STEAP1B: variants seen among roughly 807,000 people sequenced by gnomAD.
STEAP1B encodes STEAP family member 1B, also known as STEAP family protein MGC87042.
In STEAP1B, 13 loss-of-function variants were observed where a neutral mutation model predicts 27.9. The ratio of observed to expected loss-of-function variants is 0.47; its 90% CI spans 0.30 to 0.74. The LOEUF is 0.74. Ranked by LOEUF, STEAP1B falls within the 30% of genes least tolerant of loss-of-function variation. The pLI, the probability that STEAP1B is intolerant of heterozygous loss-of-function variation, is 0.06. For missense variants in STEAP1B, 250 were observed against 298.7 expected, an observed-to-expected ratio of 0.84 and a Z score of 1.20; for synonymous variants, 86 against 107.1, an observed-to-expected ratio of 0.80 and a Z score of 1.22.
intron 4 of STEAP1B, among the ~76,000 whole-genome samples, chr7:22,427,020 C>T (rs1051348058): frequency 2.0e-5 from 3 of 152,144 alleles, no homozygotes; most frequent in African/African-American, 4.8e-5. Context: ...AGTACAAACA[C>T]CCCTACACCA....
At chr7:22,425,211 A>G (rs1198054396) in intron 4 of STEAP1B, among the ~76,000 whole-genome samples, 1 of 152,196 alleles carries the variant, frequency 6.6e-6, no homozygotes, top group Non-Finnish European at 1.5e-5. Flanking sequence ...TTGGTATGAT[A>G]CATTAAAATT....
chr7:22,428,192 A>C (rs1785132981), intron 4 of STEAP1B, among the ~76,000 whole-genome samples: 1 of 152,178 alleles, frequency 6.6e-6, no homozygotes, highest in Non-Finnish European at 1.5e-5. Flanking sequence ...GTACTCCCGG[A>C]ATCAGAAGGA....
intron 4 of STEAP1B, among the ~76,000 whole-genome samples, chr7:22,429,822 G>A (rs1327117273): frequency 2.0e-5 from 3 of 152,260 alleles, no homozygotes; most frequent in South Asian, 4.1e-4. Flanking sequence ...AAATCTAAAT[G>A]GTCATATTGT....
chr7:22,431,464 G>A (rs1785186142), intron 4 of STEAP1B, among the ~76,000 whole-genome samples: 1 of 152,198 alleles, frequency 6.6e-6, no homozygotes, highest in Non-Finnish European at 1.5e-5. Flanking sequence ...TCTAAACCAA[G>A]CGCTGTGGCC....
chr7:22,419,697 T>C lies in STEAP1B; in HGVS notation c.*107A>G. On this transcript the variant is annotated 3_prime_UTR_variant, in exon 5 of 5. Transcript: ENST00000678116. ...CAGCCGTCACCTGCAGCATGGCTGT[T>C]CATTGTGGCAGAGGGAAAGGGCACT... The C allele has an allele frequency of 7.7e-7, 1 of 1,303,200 alleles. No homozygotes were observed. The highest frequency in any genetic ancestry group is 1.6e-5 in the South Asian group (1 of 63,184). The allele number at this position is 1,303,200 out of a possible 1,614,324, so 80.7% of individuals were successfully genotyped here.
At chr7:22,465,931 G>A (rs1261857083) in intron 4 of STEAP1B, among the ~76,000 whole-genome samples, 4 of 152,042 alleles carry the variant, frequency 2.6e-5, no homozygotes, top group Admixed American at 6.5e-5. Flanking sequence ...TCAGAGCCTC[G>A]ATCTCCCGCA....
intron 4 of STEAP1B, 54 bp from the exon 5 acceptor site, chr7:22,419,890 A>G: frequency 1.3e-6 from 2 of 1,509,652 alleles, no homozygotes; most frequent in Non-Finnish European, 1.8e-6. Flanking sequence ...GACTATCACT[A>G]TATTAATTTG....
intron 4 of STEAP1B, among the ~76,000 whole-genome samples, chr7:22,474,335 C>T (rs367590124): frequency 6.6e-6 from 1 of 152,168 alleles, no homozygotes; most frequent in Non-Finnish European, 1.5e-5. Flanking sequence ...AATACTGATG[C>T]CTGGTACCTA....
rs184525419 is a variant in STEAP1B at position 22,497,748 on chromosome 7, A to G, written c.-32+2366T>C. ...TGAGACTGGGTAATTATTATAAAGA[A>G]AGGAGATTTAATTGGCTCATGGTTC... On this transcript the variant is annotated intron_variant, in intron 1 of 4. Transcript: ENST00000678116. Among the ~76,000 whole-genome samples the G allele has an allele frequency of 3.4e-3, 518 of 152,340 alleles. 3 individuals are homozygous for G. The highest frequency in any genetic ancestry group is 0.012 in the African/African-American group (484 of 41,566).
chr7:22,436,596 C>T (rs1785258213), intron 4 of STEAP1B, among the ~76,000 whole-genome samples: 1 of 152,038 alleles, frequency 6.6e-6, no homozygotes. Flanking sequence ...CTCCTCGTGT[C>T]CATGTGTTCT....
chr7:22,423,338 T>A (rs1189523602), intron 4 of STEAP1B, among the ~76,000 whole-genome samples: 1 of 152,212 alleles, frequency 6.6e-6, no homozygotes, highest in Non-Finnish European at 1.5e-5. Context: ...GTAGTCTTAT[T>A]CATAATATCA....
intron 4 of STEAP1B, among the ~76,000 whole-genome samples, chr7:22,480,581 C>A (rs1253796788): frequency 1.3e-5 from 2 of 152,212 alleles, no homozygotes; most frequent in African/African-American, 4.8e-5. Flanking sequence ...GTAATGAAAG[C>A]ATTAAGCTAT....
At chr7:22,460,043 C>G (rs1006688740) in intron 4 of STEAP1B, among the ~76,000 whole-genome samples, 1 of 151,970 alleles carries the variant, frequency 6.6e-6, no homozygotes, top group Non-Finnish European at 1.5e-5. Context: ...GCTGTGGTGT[C>G]GCACACCTAT....
Position 22,458,538 on chromosome 7 carries a change from A to G in STEAP1B, c.762+34027T>C, listed in dbSNP as rs116521760. Among the ~76,000 whole-genome samples, 565 of 152,350 alleles carry G rather than the reference A, an allele frequency of 3.7e-3. 7 individuals are homozygous for G. Among genetic ancestry groups the G allele is most frequent in the African/African-American group, 0.013 (539 of 41,572 alleles). On this transcript the variant is annotated intron_variant, in intron 4 of 4. Transcript: ENST00000678116. ...AGTGGTATGAATATTTATACCTCAG[A>G]GGCAAACTCTACACATCAACCTTTT...
intron 4 of STEAP1B, among the ~76,000 whole-genome samples, chr7:22,473,253 A>C (rs1032843339): frequency 2.0e-5 from 3 of 152,182 alleles, no homozygotes; most frequent in Admixed American, 2.0e-4. Flanking sequence ...GGAAAGAGGA[A>C]GGACACCCTT....
intron 1 of STEAP1B, among the ~76,000 whole-genome samples, chr7:22,498,174 A>T (rs551490608): frequency 6.6e-6 from 1 of 152,314 alleles, no homozygotes; most frequent in African/African-American, 2.4e-5. Flanking sequence ...TCCTAACAGG[A>T]CACTGACTGA....
At position 22,489,858 on chromosome 7, in the gene STEAP1B, G is replaced by A. The variant is rs544706840; in HGVS notation, c.762+2707C>T. ...TCTATAAATTACCTTGGGCAGTATG[G>A]CCATTTTCATGATATTGATTCCTCC... On this transcript the variant is annotated intron_variant, in intron 4 of 4. Transcript: ENST00000678116. Among the ~76,000 whole-genome samples the A allele has an allele frequency of 9.2e-5, 14 of 152,236 alleles. 1 individual carries two copies. In the South Asian group the frequency reaches 1.7e-3, roughly 18 times the overall value.
At chr7:22,455,462 G>A (rs1785563083) in intron 4 of STEAP1B, among the ~76,000 whole-genome samples, 1 of 152,066 alleles carries the variant, frequency 6.6e-6, no homozygotes, top group Non-Finnish European at 1.5e-5. Context: ...ATTTTATTTA[G>A]CATTTTCCTT....
chr7:22,495,695 G>A (rs2128418855), intron 1 of STEAP1B, among the ~76,000 whole-genome samples: 1 of 152,112 alleles, frequency 6.6e-6, no homozygotes, highest in Non-Finnish European at 1.5e-5. Flanking sequence ...AAACAGATTA[G>A]ATATACAACA....
Sources: gnomAD v4.1 joint callset for allele counts (sites outside exome capture counted in the v4.1 genomes callset) on GRCh38, gnomAD v4.1.1 for gene constraint, MANE v1.5 for transcripts, NCBI Gene and HGNC (gene_info 2026-07-23, HGNC 2026-07-21) for gene names.